CAMTA1: variants seen among roughly 807,000 people sequenced by gnomAD.
CAMTA1 encodes the protein calmodulin binding transcription activator 1, also known as calmodulin-binding transcription activator 1.
CAMTA1 carries 27 observed loss-of-function variants against 170.9 expected under a neutral mutation model. The ratio of observed to expected loss-of-function variants is 0.16; its 90% CI spans 0.12 to 0.22. The LOEUF (loss-of-function observed/expected upper bound fraction) is 0.22, where lower values mean the gene tolerates loss of function less well. CAMTA1 is among the 10% of genes least tolerant of loss of function. CAMTA1 has a pLI of 1.00. For synonymous variants in CAMTA1, 833 were observed against 891.5 expected, an observed-to-expected ratio of 0.93 and a Z score of 1.17; for missense variants, 1,619 against 2,217.2, an observed-to-expected ratio of 0.73 and a Z score of 5.42.
At position 7,216,837 on chromosome 1, in the gene CAMTA1, G is replaced by A. The variant is rs1659831689; in HGVS notation, c.303-32654G>A. On this transcript the variant is annotated intron_variant, in intron 4 of 22. Transcript: ENST00000303635. The surrounding 1 kb of genome is among the most constrained non-coding windows in gnomAD (Gnocchi z 4.0). ...TACAATTTCCTCTCCTGTAAAAGTGGTTGTAGTCTTGTTTGGTGCACTAAT... is the reference window on the plus strand; with the variant it reads ...TACAATTTCCTCTCCTGTAAAAGTGATTGTAGTCTTGTTTGGTGCACTAAT... Among the ~76,000 whole-genome samples the A allele has an allele frequency of 6.6e-6, 1 of 152,116 alleles. No homozygotes were observed. The highest frequency in any genetic ancestry group is 1.5e-5 in the Non-Finnish European group (1 of 68,032).
At chr1:7,352,585 T>G (rs61782274) in intron 5 of CAMTA1, among the ~76,000 whole-genome samples, 9,081 of 152,216 alleles carry the variant, frequency 0.06, 356 homozygotes, top group Non-Finnish European at 0.09. Context: ...CATCCACCCA[T>G]GGGCCCCTTT....
chr1:7,284,093 C>T (rs1414670984), intron 5 of CAMTA1, among the ~76,000 whole-genome samples: 2 of 151,962 alleles, frequency 1.3e-5, no homozygotes, highest in East Asian at 3.9e-4. Flanking sequence ...ATCAGCCCTG[C>T]CACATAGAAA....
intron 1 of CAMTA1, among the ~76,000 whole-genome samples, chr1:6,801,754 A>G (rs1643872013): frequency 1.3e-5 from 2 of 152,016 alleles, no homozygotes; most frequent in Admixed American, 6.5e-5. Flanking sequence ...TATATGGCCA[A>G]TATTTTCATG....
intron 4 of CAMTA1, among the ~76,000 whole-genome samples, chr1:7,145,995 A>C (rs1466795787): frequency 6.6e-6 from 1 of 150,646 alleles, no homozygotes; most frequent in East Asian, 1.9e-4. Context: ...GATAATCTCA[A>C]CCGTCTAGGT....
chr1:7,461,371 G>C (rs1052397464), intron 5 of CAMTA1, among the ~76,000 whole-genome samples: 3 of 152,240 alleles, frequency 2.0e-5, no homozygotes, highest in African/African-American at 7.2e-5. Flanking sequence ...GTTCTCTAGC[G>C]TGGGAGCATC....
At chr1:7,002,108 G>T (rs528199061) in intron 3 of CAMTA1, among the ~76,000 whole-genome samples, 1 of 152,156 alleles carries the variant, frequency 6.6e-6, no homozygotes, top group South Asian at 2.1e-4. Flanking sequence ...ATGTTGGTCA[G>T]GCTGGTCTCG....
At chr1:6,962,015 C>T (rs2149524958) in intron 3 of CAMTA1, among the ~76,000 whole-genome samples, 1 of 152,354 alleles carries the variant, frequency 6.6e-6, no homozygotes, top group South Asian at 2.1e-4. Context: ...CGGGTCAAAG[C>T]CAAGCCCCCT....
intron 11 of CAMTA1, among the ~76,000 whole-genome samples, chr1:7,687,510 C>T (rs1411737786): frequency 6.6e-6 from 1 of 152,046 alleles, no homozygotes; most frequent in African/African-American, 2.4e-5. Flanking sequence ...TCACAGCCTT[C>T]CACAGTGTGG....
chr1:6,902,443 A>G (rs915247580), intron 3 of CAMTA1, among the ~76,000 whole-genome samples: 2 of 152,230 alleles, frequency 1.3e-5, no homozygotes, highest in Admixed American at 1.3e-4. Flanking sequence ...AGTGAGAAGA[A>G]GCCAGACTCA....
At position 7,172,226 on chromosome 1, in the gene CAMTA1, C is replaced by T. The variant is rs547515517; in HGVS notation, c.303-77265C>T. ...GTGCAGTGGCGCTATCTTGCCTCAC[C>T]GCAACCTCTGCCTCCTGGGCTCAAG... On this transcript the variant is annotated intron_variant, in intron 4 of 22. Coordinates refer to ENST00000303635, the MANE Select transcript of CAMTA1 (RefSeq NM_015215.4). 1.2e-3 allele frequency among the ~76,000 whole-genome samples: 189 copies of T among 152,112 alleles called. 1 individual carries two copies. The highest frequency in any genetic ancestry group is 3.8e-3 in the African/African-American group (157 of 41,502).
chr1:7,736,902 G>A lies in CAMTA1; in HGVS notation c.3264-29G>A, dbSNP rs867605872. On this transcript the variant is annotated intron_variant, in intron 13 of 22. Coordinates refer to ENST00000303635, the MANE Select transcript of CAMTA1 (RefSeq NM_015215.4). The surrounding 1 kb of genome is among the most constrained non-coding windows in gnomAD (Gnocchi z 4.5). ...TTTCCTTTTAACGGTGGTGAATAGTGTGGTAATTTCTGGTGCTCTCCCTTA... is the reference window on the plus strand; with the variant it reads ...TTTCCTTTTAACGGTGGTGAATAGTATGGTAATTTCTGGTGCTCTCCCTTA... 6 of 1,557,740 alleles carry A rather than the reference G, an allele frequency of 3.9e-6. No homozygotes were observed. Among genetic ancestry groups the A allele is most frequent in the Non-Finnish European group, 5.3e-6 (6 of 1,132,682 alleles).
At chr1:7,327,406 CAA>C (rs34737058) in intron 5 of CAMTA1, among the ~76,000 whole-genome samples, 1,735 of 87,820 alleles carry the variant, frequency 0.02, 9 homozygotes, top group Middle Eastern at 0.04. Context: ...GACTCCATCT[CAA>C]AAAAAAAAAA....
chr1:7,077,224 G>GTTTTTTTT (rs113439901), intron 3 of CAMTA1, among the ~76,000 whole-genome samples: 3 of 118,632 alleles, frequency 2.5e-5, no homozygotes, highest in Non-Finnish European at 5.2e-5. Flanking sequence ...TTAAGGAAAG[G>GTTTTTTTT]TTTTTTTTTT....
At chr1:7,232,336 G>A (rs1049508042) in intron 4 of CAMTA1, among the ~76,000 whole-genome samples, 3 of 152,188 alleles carry the variant, frequency 2.0e-5, no homozygotes, top group Admixed American at 6.5e-5. Flanking sequence ...CTTCCCCGGA[G>A]GCACCGACAT....
chr1:7,611,350 T>C (rs1303157558), intron 6 of CAMTA1, among the ~76,000 whole-genome samples: 1 of 152,154 alleles, frequency 6.6e-6, no homozygotes, highest in Non-Finnish European at 1.5e-5. Flanking sequence ...GGCACCCCCT[T>C]AAATTTTGTG....
intron 5 of CAMTA1, chr1:7,441,251 A>G (rs2092523797): frequency 6.6e-6 from 1 of 152,214 alleles, no homozygotes; most frequent in South Asian, 2.1e-4. Flanking sequence ...CACACCCAGC[A>G]TTTTGCAATG....
Position 7,672,696 on chromosome 1 carries a change from C to T in CAMTA1, c.2779+1659C>T, listed in dbSNP as rs576771378. On this transcript the variant is annotated intron_variant, in intron 10 of 22. Coordinates refer to ENST00000303635, the MANE Select transcript of CAMTA1 (RefSeq NM_015215.4). ...TTGGCCTCCCAAAGTGCTGGGATTACAGGGGTGAGCCACTGTGCCCCATCT... is the reference window on the plus strand; with the variant it reads ...TTGGCCTCCCAAAGTGCTGGGATTATAGGGGTGAGCCACTGTGCCCCATCT... 3.9e-5 allele frequency among the ~76,000 whole-genome samples: 6 copies of T among 152,286 alleles called. No individual in the cohort carries two copies. In the South Asian group the frequency reaches 1.2e-3, roughly 32 times the overall value.
At chr1:7,055,025 CA>C (rs1707081051) in intron 3 of CAMTA1, among the ~76,000 whole-genome samples, 1 of 152,028 alleles carries the variant, frequency 6.6e-6, no homozygotes, top group African/African-American at 2.4e-5. Context: ...TTTAAACAAC[CA>C]GATCTTGCGA....
intron 6 of CAMTA1, among the ~76,000 whole-genome samples, chr1:7,550,156 C>G (rs1325546134): frequency 1.3e-5 from 2 of 152,026 alleles, no homozygotes; most frequent in Non-Finnish European, 2.9e-5. Flanking sequence ...CAGAAGACAG[C>G]TGAGCTGACC....
Sources: gnomAD v4.1 joint callset for allele counts (sites outside exome capture counted in the v4.1 genomes callset) on GRCh38, gnomAD v4.1.1 for gene constraint, Gnocchi (gnomAD v3.1) non-coding constraint, MANE v1.5 for transcripts, NCBI Gene and HGNC (gene_info 2026-07-23, HGNC 2026-07-21) for gene names.